The following TIMD4 variants were observed in gnomAD, a reference collection of about 807,000 sequenced individuals.
The protein encoded by TIMD4 is T cell immunoglobulin and mucin domain containing 4, also known as T-cell immunoglobulin and mucin domain-containing protein 4.
TIMD4 carries 31 observed loss-of-function variants against 41.2 expected under a neutral mutation model. The ratio of observed to expected loss-of-function variants is 0.75; its 90% CI spans 0.57 to 1.01. The LOEUF (loss-of-function observed/expected upper bound fraction) is 1.01. Ranked by LOEUF, TIMD4 falls within the 50% of genes least tolerant of loss-of-function variation. TIMD4 has a pLI of 0.00. For synonymous variants in TIMD4, 204 were observed against 177.1 expected (o/e 1.15, Z -1.21); for missense variants, 479 against 472.5 (o/e 1.01, Z -0.13).
intron 5 of TIMD4, among the ~76,000 whole-genome samples, chr5:156,940,196 G>A (rs1011166999): frequency 2.0e-5 from 3 of 152,242 alleles, no homozygotes; most frequent in African/African-American, 7.2e-5. Context: ...GACCTCGAGT[G>A]ATCTGCCCGC....
chr5:156,946,810 T>C (rs1561551235), intron 5 of TIMD4, among the ~76,000 whole-genome samples: 1 of 151,966 alleles, frequency 6.6e-6, no homozygotes, highest in Admixed American at 6.6e-5. Flanking sequence ...AGAGTGATGC[T>C]ACATTGTCTC....
rs111667077 is a variant in TIMD4 at position 156,927,272 on chromosome 5, T to A, written c.845-960A>T. ...TGGTGCTCAATAAATGTTTGTTGAA[T>A]AACACTTCTGAGTTAAGGTCGTGTA... On this transcript the variant is annotated intron_variant, in intron 5 of 8. Coordinates refer to ENST00000274532, the MANE Select transcript of TIMD4 (RefSeq NM_138379.3). Among the ~76,000 whole-genome samples the A allele has an allele frequency of 8.0e-3, 1,215 of 152,360 alleles. 23 individuals are homozygous for A. The highest frequency in any genetic ancestry group is 0.027 in the African/African-American group (1,124 of 41,572).
intron 1 of TIMD4, among the ~76,000 whole-genome samples, chr5:156,958,337 AGGAAAG>A (rs1760017777): frequency 7.8e-6 from 1 of 127,732 alleles, no homozygotes; most frequent in Middle Eastern, 3.7e-3. Flanking sequence ...AGGAAAGGAA[AGGAAAG>A]GAAAGGAAAG....
chr5:156,929,884 A>C (rs1561545624), intron 5 of TIMD4, among the ~76,000 whole-genome samples: 1 of 152,384 alleles, frequency 6.6e-6, no homozygotes, highest in East Asian at 1.9e-4. Context: ...ACAGGTAAGA[A>C]GACTAAATCC....
intron 5 of TIMD4, among the ~76,000 whole-genome samples, chr5:156,933,113 T>A (rs1300425748): frequency 1.3e-5 from 2 of 152,228 alleles, no homozygotes; most frequent in Non-Finnish European, 2.9e-5. Context: ...TAAAGATTTC[T>A]TGAATGAAAC....
At chr5:156,940,325 G>A (rs1368595827) in intron 5 of TIMD4, among the ~76,000 whole-genome samples, 2 of 152,170 alleles carry the variant, frequency 1.3e-5, no homozygotes, top group Admixed American at 6.5e-5. Flanking sequence ...CCTCCCAGCC[G>A]CCTGCCTTGG....
intron 5 of TIMD4, among the ~76,000 whole-genome samples, chr5:156,943,468 G>C (rs1759681738): frequency 1.3e-5 from 2 of 152,156 alleles, no homozygotes; most frequent in Admixed American, 1.3e-4. Context: ...AGGAGCCTTT[G>C]CACTCCCTGA....
Position 156,954,451 on chromosome 5 carries a change from C to T in TIMD4, c.364G>A (p.Asp122Asn), listed in dbSNP as rs762814005. 8.1e-6 allele frequency: 13 copies of T among 1,613,996 alleles called. No individual in the cohort carries two copies. Among genetic ancestry groups the T allele is most frequent in the African/African-American group, 1.3e-5 (1 of 74,918 alleles). Residue 122 changes from aspartate to asparagine, a missense_variant, in exon 2 of 9, where the codon GAT (aspartate) becomes AAT (asparagine). Physicochemically the swap from Asp to Asn is conservative, Grantham distance 23. Transcript: ENST00000274532. ...TTCAGGCGCACGTTTATCTTTACATCGTTGAACCAGCCAGGCACTTCTATG... is the reference window on the plus strand; with the variant it reads ...TTCAGGCGCACGTTTATCTTTACATTGTTGAACCAGCCAGGCACTTCTATG... ...CRIEVPGWFNDVKINVRLNLQ... is the reference protein window; with the variant it reads ...CRIEVPGWFNNVKINVRLNLQ...
intron 1 of TIMD4, among the ~76,000 whole-genome samples, chr5:156,955,152 CAT>C (rs550732009): frequency 2.4e-3 from 369 of 152,286 alleles, no homozygotes; most frequent in Middle Eastern, 0.024. Flanking sequence ...CCTAACTCCA[CAT>C]GATTCTATCC....
rs764741724 is a variant in TIMD4, at chr5:156,949,679, A to G, written c.732T>C (p.Ser244=). The G allele has an allele frequency of 2.5e-6, 4 of 1,613,414 alleles. No homozygotes were observed. The highest frequency in any genetic ancestry group is 3.3e-4 in the Middle Eastern group (2 of 6,080). ...SDSWSSVEST[S]ADTVLLTSKE... ...TGGATGTCAGCAGGACAGTGTCAGC[A>G]GAAGTAGACTCAACACTACTCCAGG... The change falls in exon 4 of 9, where the codon TCT becomes TCC. Residue 244 remains serine (S), a synonymous_variant. Transcript: ENST00000274532.
intron 7 of TIMD4, 105 bp downstream of exon 7, chr5:156,921,994 G>T: frequency 1.2e-6 from 1 of 807,548 alleles, no homozygotes; most frequent in Non-Finnish European, 1.9e-6. Flanking sequence ...GCAGAACTGA[G>T]CCTCTTTGGG....
intron 1 of TIMD4, among the ~76,000 whole-genome samples, chr5:156,957,517 A>AAAAAAAG (rs1759994025): frequency 6.6e-6 from 1 of 151,240 alleles, no homozygotes; most frequent in African/African-American, 2.4e-5. Context: ...TATCTCAAAA[A>AAAAAAAG]AAAAAAAGAA....
chr5:156,929,701 T>C (rs934432115), intron 5 of TIMD4, among the ~76,000 whole-genome samples: 2 of 152,206 alleles, frequency 1.3e-5, no homozygotes, highest in Admixed American at 1.3e-4. Context: ...TTTGTCAGAC[T>C]TCTGCCCTCC....
At chr5:156,958,092 T>G (rs957284302) in intron 1 of TIMD4, among the ~76,000 whole-genome samples, 2 of 151,632 alleles carry the variant, frequency 1.3e-5, no homozygotes, top group Non-Finnish European at 2.9e-5. Context: ...GCCAACATAG[T>G]GAAAGCCCGT....
In TIMD4 at chr5:156,945,254, G is replaced by A. The variant is rs567411852; in HGVS notation, c.844+3162C>T. ...GTTAAATCCAGGTCGGCCATTTACC[G>A]GACAAGTTTTTAATCTTCAAGGGCT... On this transcript the variant is annotated intron_variant, in intron 5 of 8. Transcript: ENST00000274532. Among the ~76,000 whole-genome samples, 34 of 152,284 alleles carry A rather than the reference G, an allele frequency of 2.2e-4. No homozygotes were observed. In the South Asian group the frequency reaches 5.6e-3, roughly 25 times the overall value.
chr5:156,951,855 T>C (rs1759866968), intron 2 of TIMD4, 65 bp from the exon 3 acceptor site: 1 of 1,594,114 alleles, frequency 6.3e-7, no homozygotes, highest in Non-Finnish European at 8.6e-7. Flanking sequence ...ATAATGCAAG[T>C]ATATCTGGGA....
intron 1 of TIMD4, among the ~76,000 whole-genome samples, chr5:156,957,069 G>A (rs770397306): frequency 6.0e-5 from 9 of 150,050 alleles, no homozygotes; most frequent in Admixed American, 2.0e-4. Flanking sequence ...TCATTCTGTC[G>A]CCTAGGCTGA....
At chr5:156,934,607 A>G (rs961142333) in intron 5 of TIMD4, among the ~76,000 whole-genome samples, 2 of 152,156 alleles carry the variant, frequency 1.3e-5, no homozygotes, top group Non-Finnish European at 2.9e-5. Flanking sequence ...ATCACATTTA[A>G]TGTTCATAAA....
chr5:156,940,836 A>T (rs1433305483), intron 5 of TIMD4, among the ~76,000 whole-genome samples: 2 of 152,268 alleles, frequency 1.3e-5, no homozygotes, highest in Admixed American at 1.3e-4. Context: ...CTCATTGAGA[A>T]GGGGCCATGA....
Sources: gnomAD v4.1 joint callset for allele counts (sites outside exome capture counted in the v4.1 genomes callset) on GRCh38, gnomAD v4.1.1 for gene constraint, MANE v1.5 for transcripts, NCBI Gene and HGNC (gene_info 2026-07-23, HGNC 2026-07-21) for gene names.